The following ATPSCKMT variants were observed in gnomAD, a reference collection of about 807,000 sequenced individuals.
The protein encoded by ATPSCKMT is ATP synthase subunit C lysine N-methyltransferase.
In ATPSCKMT, 24 loss-of-function variants were observed where a neutral mutation model predicts 24.3. That is an observed-to-expected ratio of 0.99 (90% confidence interval 0.71 to 1.39). The LOEUF is 1.39. ATPSCKMT is among the 40% of genes most tolerant of loss of function. The pLI, the probability that ATPSCKMT is intolerant of heterozygous loss-of-function variation, is 0.00. For synonymous variants in ATPSCKMT, 95 were observed against 110.5 expected, an observed-to-expected ratio of 0.86 and a Z score of 0.88; for missense variants, 311 against 298.4, an observed-to-expected ratio of 1.04 and a Z score of -0.31.
Position 10,236,562 on chromosome 5 carries a change from T to G in ATPSCKMT, c.360A>C (p.Pro120=), listed in dbSNP as rs375793265. ...GGTATCTGGAATACCAAACTAGCCA[T>G]GGGTTTAATTCATAACCAACTGCTG... ...GFTAVGYELN[P]WLVWYSRYRA... is the part of the protein sequence containing the mutation. Residue 120 remains proline (P), a synonymous_variant, in exon 3 of 5, where the codon CCA becomes CCC. Transcript: ENST00000511437. 4.3e-5 allele frequency: 69 copies of G among 1,614,214 alleles called. No individual in the cohort carries two copies. In the African/African-American group the frequency reaches 7.2e-4, roughly 17 times the overall value.
chr5:10,247,375 C>G (rs1224616507), intron 1 of ATPSCKMT, among the ~76,000 whole-genome samples: 2 of 152,254 alleles, frequency 1.3e-5, no homozygotes, highest in African/African-American at 4.8e-5. Flanking sequence ...GGGTCTCACT[C>G]TGTCGTCCAG....
chr5:10,243,100 C>A, intron 1 of ATPSCKMT, among the ~76,000 whole-genome samples: 1 of 152,226 alleles, frequency 6.6e-6, no homozygotes, highest in East Asian at 1.9e-4. Flanking sequence ...GCTGCACTGA[C>A]CCCTAACAAG....
intron 4 of ATPSCKMT, among the ~76,000 whole-genome samples, chr5:10,234,879 G>A (rs747863641): frequency 3.3e-5 from 5 of 152,184 alleles, no homozygotes; most frequent in Non-Finnish European, 7.3e-5. Flanking sequence ...TTTCCGGAGC[G>A]ATTTCAGCGA....
chr5:10,235,648 C>A (rs1355459808), intron 3 of ATPSCKMT, among the ~76,000 whole-genome samples: 2 of 152,202 alleles, frequency 1.3e-5, no homozygotes, highest in Non-Finnish European at 2.9e-5. Flanking sequence ...ACCAGCTTCA[C>A]CAGAACACAG....
chr5:10,235,148 G>T, intron 4 of ATPSCKMT, 63 bp downstream of exon 4: 1 of 1,504,886 alleles, frequency 6.6e-7, no homozygotes, highest in Non-Finnish European at 9.2e-7. Context: ...TGGTGGTGTT[G>T]TGGCTGGAAG....
At chr5:10,228,942 G>A (rs547726811) in intron 4 of ATPSCKMT, among the ~76,000 whole-genome samples, 1 of 152,080 alleles carries the variant, frequency 6.6e-6, no homozygotes, top group South Asian at 2.1e-4. Context: ...CAGGTTTACC[G>A]ATTTTCAACA....
chr5:10,234,821 C>T (rs1744301093), intron 4 of ATPSCKMT, among the ~76,000 whole-genome samples: 1 of 152,216 alleles, frequency 6.6e-6, no homozygotes, highest in Admixed American at 6.5e-5. Context: ...AAATTATCTT[C>T]CTTCCAAATG....
intron 2 of ATPSCKMT, 83 bp from the exon 3 acceptor site, chr5:10,236,698 TG>T (rs1433584607): frequency 4.5e-6 from 7 of 1,554,356 alleles, no homozygotes; most frequent in Non-Finnish European, 6.1e-6. Flanking sequence ...TTCCTATCAA[TG>T]GTTTAAACAT....
At chr5:10,229,784 A>T (rs566561307) in intron 4 of ATPSCKMT, among the ~76,000 whole-genome samples, 1 of 152,318 alleles carries the variant, frequency 6.6e-6, no homozygotes, top group African/African-American at 2.4e-5. Flanking sequence ...ATTTCATTTG[A>T]TGGGTTATAA....
rs1247382612 is a variant in ATPSCKMT at position 10,227,117 on chromosome 5, G to A, written c.*324C>T. 1 of 286,514 alleles carries A rather than the reference G, an allele frequency of 3.5e-6. No individual in the cohort carries two copies. Among genetic ancestry groups the A allele is most frequent in the Non-Finnish European group, 6.7e-6 (1 of 149,204 alleles). 17.7% of individuals were successfully genotyped at this position (286,514 alleles called of 1,614,324 possible). A position where few individuals can be genotyped will look rare whatever the true frequency, so the allele number is the denominator to read the frequency against. ...TTTAAAAATCATTTCTCCTTATCGA[G>A]GCATTAAGCCATATTGTTTATAATG... is the stretch of plus-strand genomic sequence containing the variant. On this transcript the variant is annotated 3_prime_UTR_variant, in exon 5 of 5. Transcript: ENST00000511437.
chr5:10,228,416 C>T (rs1381321891), intron 4 of ATPSCKMT, among the ~76,000 whole-genome samples: 6 of 151,954 alleles, frequency 3.9e-5, no homozygotes, highest in African/African-American at 1.5e-4. Context: ...CTTATACCAC[C>T]GTTGTACCAT....
intron 1 of ATPSCKMT, among the ~76,000 whole-genome samples, chr5:10,244,678 G>A (rs566033824): frequency 3.3e-5 from 5 of 152,204 alleles, no homozygotes; most frequent in South Asian, 4.1e-4. Context: ...TTGGAAGGCC[G>A]AGGCAGGAGG....
intron 4 of ATPSCKMT, among the ~76,000 whole-genome samples, chr5:10,232,458 C>A (rs1744190667): frequency 6.6e-6 from 1 of 152,164 alleles, no homozygotes; most frequent in Admixed American, 6.5e-5. Context: ...CTAGCAGTGT[C>A]GAAGCCTTCA....
intron 2 of ATPSCKMT, chr5:10,236,820 A>G: frequency 6.8e-7 from 1 of 1,478,760 alleles, no homozygotes; most frequent in South Asian, 1.3e-5. Context: ...AGTTTCCTTG[A>G]TTGGTTAAAG....
intron 1 of ATPSCKMT, among the ~76,000 whole-genome samples, chr5:10,240,466 G>A (rs1239663704): frequency 1.3e-5 from 2 of 151,962 alleles, no homozygotes; most frequent in Non-Finnish European, 2.9e-5. Context: ...GTAAAAGCAG[G>A]ACTCCTCCAG....
In ATPSCKMT at chr5:10,227,483, C is replaced by T. The variant is rs767435174; in HGVS notation, c.660G>A (p.Arg220=). The T allele has an allele frequency of 1.2e-5, 19 of 1,614,184 alleles. No individual in the cohort carries two copies. Among genetic ancestry groups the T allele is most frequent in the Admixed American group, 1.0e-4 (6 of 60,026 alleles). ...DASTFRGREK[R]PCTSMHFQLP... ...GCTGGAAATGCATCGATGTACAGGGCCTCTTTTCACGGCCTCTAAAAGTGC... is the reference window on the plus strand; with the variant it reads ...GCTGGAAATGCATCGATGTACAGGGTCTCTTTTCACGGCCTCTAAAAGTGC... Residue 220 remains arginine (R), a synonymous_variant, in exon 5 of 5, where the codon AGG becomes AGA. Coordinates refer to ENST00000511437, the MANE Select transcript of ATPSCKMT (RefSeq NM_199133.4).
chr5:10,236,344 T>C (rs1278883458), intron 3 of ATPSCKMT, 134 bp downstream of exon 3: 4 of 1,132,608 alleles, frequency 3.5e-6, no homozygotes, highest in Non-Finnish European at 4.8e-6. Flanking sequence ...TTTTACATAT[T>C]TCATTATGCC....
intron 1 of ATPSCKMT, chr5:10,248,465 TGTC>T (rs1486590632): frequency 1.3e-5 from 2 of 152,348 alleles, no homozygotes; most frequent in Non-Finnish European, 2.9e-5. Context: ...AAATCTAAAA[TGTC>T]CTTGAAGAAC....
At chr5:10,249,709 T>C (rs1380559637) in intron 1 of ATPSCKMT, 149 bp downstream of exon 1, 30 of 1,285,996 alleles carry the variant, frequency 2.3e-5, no homozygotes, top group Non-Finnish European at 2.9e-5. Flanking sequence ...CCAGGAGCTC[T>C]GGTCACCGAA....
Sources: gnomAD v4.1 joint callset for allele counts (sites outside exome capture counted in the v4.1 genomes callset) on GRCh38, gnomAD v4.1.1 for gene constraint, MANE v1.5 for transcripts, NCBI Gene and HGNC (gene_info 2026-07-23, HGNC 2026-07-21) for gene names.